The following PLXNA4 variants were observed in gnomAD, a reference collection of about 807,000 sequenced individuals.
PLXNA4 encodes plexin A4.
In PLXNA4, 44 loss-of-function variants were observed where a neutral mutation model predicts 191.8. That is an observed-to-expected ratio of 0.23 (90% CI 0.18 to 0.29). The LOEUF is 0.29. Ranked by LOEUF, PLXNA4 falls within the 10% of genes least tolerant of loss-of-function variation. The pLI is 1.00. For missense variants in PLXNA4, 1,800 were observed against 2,488.8 expected (o/e 0.72, Z 5.89); for synonymous variants, 1,082 against 1,009.5 (o/e 1.07, Z -1.36).
At chr7:132,301,163 C>T (rs1370114508) in intron 3 of PLXNA4, among the ~76,000 whole-genome samples, 3 of 152,142 alleles carry the variant, frequency 2.0e-5, no homozygotes, top group African/African-American at 7.2e-5. Context: ...TTTTCCCACC[C>T]CACCCTCCAA....
chr7:132,275,054 C>A (rs2116353697), intron 4 of PLXNA4, among the ~76,000 whole-genome samples: 1 of 152,154 alleles, frequency 6.6e-6, no homozygotes, highest in South Asian at 2.1e-4. Context: ...TATTCAGGGT[C>A]AATACTTTGA....
rs1042856555 is a variant in PLXNA4, at chr7:132,325,283, A to G, written c.1372-27061T>C. On this transcript the variant is annotated intron_variant, in intron 3 of 31. Transcript: ENST00000321063. ...AGCTTCTGGATACGGGGCCATCTAC[A>G]TTTAGTGAGTTTGTTGATAGCTGAA... Among the ~76,000 whole-genome samples, 18 of 152,220 alleles carry G rather than the reference A, an allele frequency of 1.2e-4. No homozygotes were observed. The South Asian group carries it at 3.3e-3, about 28-fold the overall frequency.
chr7:132,284,367 T>C (rs1414947166), intron 4 of PLXNA4, among the ~76,000 whole-genome samples: 2 of 152,260 alleles, frequency 1.3e-5, no homozygotes, highest in African/African-American at 2.4e-5. Flanking sequence ...AGAGGTCTCC[T>C]ACACGTGTCA....
intron 3 of PLXNA4, among the ~76,000 whole-genome samples, chr7:132,420,685 G>A (rs1277499156): frequency 1.3e-5 from 2 of 152,196 alleles, no homozygotes; most frequent in Admixed American, 6.5e-5. Context: ...TGGTTTGGCT[G>A]TGTCCCCACT....
intron 4 of PLXNA4, among the ~76,000 whole-genome samples, chr7:132,289,460 C>T (rs1048416349): frequency 5.3e-5 from 8 of 152,148 alleles, no homozygotes; most frequent in African/African-American, 1.9e-4. Context: ...GGTTGTATTC[C>T]CAATGCCTTG....
intron 10 of PLXNA4, among the ~76,000 whole-genome samples, chr7:132,208,366 G>A (rs1280412609): frequency 6.6e-6 from 1 of 152,158 alleles, no homozygotes; most frequent in East Asian, 1.9e-4. Context: ...TACAACTAAT[G>A]GTGTCAAAAT....
At chr7:132,297,047 G>A (rs1341881515) in intron 4 of PLXNA4, among the ~76,000 whole-genome samples, 3 of 152,112 alleles carry the variant, frequency 2.0e-5, no homozygotes, top group Admixed American at 2.0e-4. Flanking sequence ...TAATGCACAA[G>A]CCCCGTGGGT....
chr7:132,332,252 T>C (rs1243728358), intron 3 of PLXNA4, among the ~76,000 whole-genome samples: 1 of 152,156 alleles, frequency 6.6e-6, no homozygotes. Context: ...CAGTTGAAAC[T>C]TTGGGCAATG....
At chr7:132,338,933 C>T (rs1802919799) in intron 3 of PLXNA4, among the ~76,000 whole-genome samples, 1 of 152,148 alleles carries the variant, frequency 6.6e-6, no homozygotes, top group Non-Finnish European at 1.5e-5. Context: ...CAACTCACTG[C>T]TGGCGAGATG....
At chr7:132,541,205 C>A (rs967036454) in intron 1 of PLXNA4, among the ~76,000 whole-genome samples, 1 of 152,202 alleles carries the variant, frequency 6.6e-6, no homozygotes, top group Non-Finnish European at 1.5e-5. Flanking sequence ...CTTAACACCT[C>A]TCTTCCCATA....
At chr7:132,176,755 C>T (rs1213784360) in intron 20 of PLXNA4, among the ~76,000 whole-genome samples, 5 of 150,732 alleles carry the variant, frequency 3.3e-5, no homozygotes, top group Non-Finnish European at 5.9e-5. Context: ...TGAGTGCCTG[C>T]GTGGGTGTGA....
intron 2 of PLXNA4, among the ~76,000 whole-genome samples, chr7:132,644,674 G>C: frequency 6.6e-6 from 1 of 152,186 alleles, no homozygotes; most frequent in East Asian, 1.9e-4. Context: ...TAATTCCTTC[G>C]TGATATATTT....
intron 4 of PLXNA4, among the ~76,000 whole-genome samples, chr7:132,242,963 C>T (rs1798931338): frequency 6.6e-6 from 1 of 152,140 alleles, no homozygotes; most frequent in African/African-American, 2.4e-5. Flanking sequence ...AATAGTGGCT[C>T]CTAACCCAAA....
In PLXNA4 at chr7:132,125,523, G is replaced by A. The variant is rs1377398705; in HGVS notation, c.*4956C>T. 2.0e-5 allele frequency: 3 copies of A among 152,102 alleles called. No individual in the cohort carries two copies. Among genetic ancestry groups the A allele is most frequent in the Non-Finnish European group, 4.4e-5 (3 of 68,028 alleles). The allele number at this position is 152,102 out of a possible 1,614,324, so 9.4% of individuals were successfully genotyped here. A position where few individuals can be genotyped will look rare whatever the true frequency, so the allele number is the denominator to read the frequency against. ...AATTTGGACTTAACATCCATAGCAG[G>A]GCTCCCTTCTTACTTTCGAACTATT... On this transcript the variant is annotated 3_prime_UTR_variant, in exon 32 of 32. Transcript: ENST00000321063.
intron 2 of PLXNA4, among the ~76,000 whole-genome samples, chr7:132,506,291 T>C (rs1313760660): frequency 1.3e-5 from 2 of 152,160 alleles, no homozygotes; most frequent in Non-Finnish European, 2.9e-5. Flanking sequence ...GCCTGGCACA[T>C]AGTTATACTT....
chr7:132,525,314 A>G (rs1799356559), intron 1 of PLXNA4, among the ~76,000 whole-genome samples: 1 of 152,204 alleles, frequency 6.6e-6, no homozygotes, highest in South Asian at 2.1e-4. Context: ...CAGTGGCATA[A>G]TCACGGCTCA....
intron 3 of PLXNA4, among the ~76,000 whole-genome samples, chr7:132,479,351 A>G (rs1797250537): frequency 6.6e-6 from 1 of 152,142 alleles, no homozygotes; most frequent in Non-Finnish European, 1.5e-5. Context: ...AGCCCCAAGG[A>G]AGGGAGAGCC....
chr7:132,605,953 C>A (rs1802916299), intron 2 of PLXNA4, among the ~76,000 whole-genome samples: 1 of 152,018 alleles, frequency 6.6e-6, no homozygotes. Flanking sequence ...CACTTGAGGC[C>A]AGGAGTTCGA....
intron 3 of PLXNA4, among the ~76,000 whole-genome samples, chr7:132,379,442 C>A (rs559554556): frequency 6.6e-6 from 1 of 152,298 alleles, no homozygotes; most frequent in South Asian, 2.1e-4. Context: ...CATGTCAAAG[C>A]CTTGTCTGAG....
Sources: gnomAD v4.1 joint callset for allele counts (sites outside exome capture counted in the v4.1 genomes callset) on GRCh38, gnomAD v4.1.1 for gene constraint, MANE v1.5 for transcripts, NCBI Gene and HGNC (gene_info 2026-07-23, HGNC 2026-07-21) for gene names.